The following CAMSAP1 variants were observed in gnomAD, a reference collection of about 807,000 sequenced individuals.
CAMSAP1 encodes calmodulin regulated spectrin associated protein 1.
Under a neutral mutation model 143.5 loss-of-function variants are expected in CAMSAP1, and 58 were observed. The ratio of observed to expected loss-of-function variants is 0.40; its 90% CI spans 0.33 to 0.50. CAMSAP1 has a LOEUF of 0.50. Among genes scored for constraint, CAMSAP1 ranks in the 20% least tolerant of loss-of-function variants. The pLI, the probability that CAMSAP1 is intolerant of heterozygous loss-of-function variation, is 0.45. For missense variants in CAMSAP1, 1,969 were observed against 2,115.7 expected (o/e 0.93, Z 1.36); for synonymous variants, 945 against 859.3 (o/e 1.10, Z -1.74).
intron 1 of CAMSAP1, 89 bp from the exon 2 acceptor site, chr9:135,883,167 C>G (rs528471390): frequency 1.4e-6 from 2 of 1,422,130 alleles, no homozygotes; most frequent in East Asian, 2.5e-5. Flanking sequence ...GACTGTGCCA[C>G]TGTACTCCAG....
Position 135,870,607 on chromosome 9 carries a change from C to T in CAMSAP1, c.586-4071G>A, listed in dbSNP as rs925837114. Among the ~76,000 whole-genome samples the T allele has an allele frequency of 5.9e-5, 9 of 152,162 alleles. No individual in the cohort carries two copies. In the East Asian group the frequency reaches 9.7e-4, roughly 16 times the overall value. ...GCGAGGATATCAAGGCAAGCCTGGCCAACATGGCAAAACCTTATCTCTACA... is the reference window on the plus strand; with the variant it reads ...GCGAGGATATCAAGGCAAGCCTGGCTAACATGGCAAAACCTTATCTCTACA... On this transcript the variant is annotated intron_variant, in intron 3 of 16. Transcript: ENST00000389532.
Position 135,818,961 on chromosome 9 carries a change from C to T in CAMSAP1, c.3959+49G>A. ...GCAACGGGACCGGGGCCGCCAGGGA[C>T]CCACCAGGCTCCTGCTCAGTCTGCT... On this transcript the variant is annotated intron_variant, in intron 12 of 16. Coordinates refer to ENST00000389532, the MANE Select transcript of CAMSAP1 (RefSeq NM_015447.4). The surrounding 1 kb of genome is among the most constrained non-coding windows in gnomAD (Gnocchi z 7.7). The T allele has an allele frequency of 6.3e-7, 1 of 1,591,202 alleles. No homozygotes were observed. The highest frequency in any genetic ancestry group is 2.3e-5 in the East Asian group (1 of 44,100).
In CAMSAP1 at chr9:135,810,133, C is replaced by T. The variant is rs1834991865; in HGVS notation, c.*1176G>A. The T allele has an allele frequency of 6.6e-6, 1 of 152,520 alleles. No individual in the cohort carries two copies. The highest frequency in any genetic ancestry group is 2.1e-4 in the South Asian group (1 of 4,824). The allele number at this position is 152,520 out of a possible 1,614,324, so 9.4% of individuals were successfully genotyped here. On this transcript the variant is annotated 3_prime_UTR_variant, in exon 17 of 17. Coordinates refer to ENST00000389532, the MANE Select transcript of CAMSAP1 (RefSeq NM_015447.4). The stretch of plus-strand genomic sequence containing the variant: ...GGCACGCACCTGCTCCTGGGAATGT[C>T]CGCGCTCCACAGAAGCATCAACACC...
Position 135,823,004 on chromosome 9 carries a change from G to C in CAMSAP1, c.1657C>G (p.Gln553Glu). 7 of 1,613,990 alleles carry C rather than the reference G, an allele frequency of 4.3e-6. No homozygotes were observed. Among genetic ancestry groups the C allele is most frequent in the Non-Finnish European group, 5.9e-6 (7 of 1,179,890 alleles). ...VAIVRADVVP[Q>E]QADPEFPRAS... ...CTGGGGAACTCCGGGTCAGCCTGCT[G>C]GGGAACCACGTCTGCTCTAACAATA... Residue 553 changes from glutamine (Q) to glutamate (E), a missense_variant, in exon 11 of 17, where the codon CAG becomes GAG. Gln to Glu is a conservative substitution (Grantham distance 29). This residue lies in a region of CAMSAP1 where 1,390 missense variants were observed against 1,420.8 expected (regional missense o/e 0.98). Transcript: ENST00000389532.
At chr9:135,893,117 C>G (rs1036510775) in intron 1 of CAMSAP1, among the ~76,000 whole-genome samples, 1 of 151,582 alleles carries the variant, frequency 6.6e-6, no homozygotes, top group African/African-American at 2.4e-5. Flanking sequence ...CTACAGTGAG[C>G]CATGAATGCA....
intron 14 of CAMSAP1, among the ~76,000 whole-genome samples, chr9:135,817,015 G>A (rs988510271): frequency 1.5e-4 from 23 of 152,178 alleles, no homozygotes; most frequent in South Asian, 2.1e-4. Flanking sequence ...TCAGCAGCGC[G>A]AGGCCTCAGT....
chr9:135,830,778 C>G (rs1215762896), intron 7 of CAMSAP1, among the ~76,000 whole-genome samples: 3 of 152,176 alleles, frequency 2.0e-5, no homozygotes, highest in Non-Finnish European at 4.4e-5. Flanking sequence ...TTCTCCAGAA[C>G]AGATCATATG....
chr9:135,866,897 T>C (rs2130944821), intron 3 of CAMSAP1, among the ~76,000 whole-genome samples: 1 of 152,282 alleles, frequency 6.6e-6, no homozygotes, highest in East Asian at 1.9e-4. Context: ...CAAAACAATC[T>C]GGTGGAGACA....
chr9:135,816,932 C>A (rs1443354045), intron 14 of CAMSAP1, among the ~76,000 whole-genome samples: 1 of 152,186 alleles, frequency 6.6e-6, no homozygotes. Flanking sequence ...ACTTTCTCAT[C>A]ACAGGAGCGG....
chr9:135,819,181 A>G, intron 11 of CAMSAP1, 35 bp from the exon 12 acceptor site: 2 of 1,573,666 alleles, frequency 1.3e-6, no homozygotes, highest in Non-Finnish European at 8.6e-7. Flanking sequence ...CATGACAGGA[A>G]CCCCCTCAGA....
intron 3 of CAMSAP1, among the ~76,000 whole-genome samples, chr9:135,880,836 G>A (rs1315661285): frequency 2.6e-5 from 4 of 152,050 alleles, no homozygotes; most frequent in Non-Finnish European, 2.9e-5. Flanking sequence ...CAAAGGCTCC[G>A]GTAAGGTAAC....
chr9:135,855,748 TAAAA>T (rs34874470), intron 5 of CAMSAP1, among the ~76,000 whole-genome samples: 1 of 84,692 alleles, frequency 1.2e-5, no homozygotes, highest in Non-Finnish European at 2.3e-5. Flanking sequence ...CATCTCAATT[TAAAA>T]AAAAAAAAAA....
chr9:135,866,893 A>C (rs773638208), intron 3 of CAMSAP1, among the ~76,000 whole-genome samples: 1 of 152,154 alleles, frequency 6.6e-6, no homozygotes, highest in African/African-American at 2.4e-5. Flanking sequence ...CTTACAAAAC[A>C]ATCTGGTGGA....
intron 5 of CAMSAP1, among the ~76,000 whole-genome samples, chr9:135,859,856 CAGGCTG>C (rs1837114472): frequency 6.6e-6 from 1 of 152,086 alleles, no homozygotes; most frequent in South Asian, 2.1e-4. Context: ...ACATACAGGG[CAGGCTG>C]CACACAATGA....
intron 1 of CAMSAP1, among the ~76,000 whole-genome samples, chr9:135,887,131 G>A (rs931748505): frequency 1.1e-4 from 16 of 152,124 alleles, no homozygotes; most frequent in Admixed American, 5.2e-4. Flanking sequence ...AGTGAGAGCC[G>A]GGCGCAGTGG....
At chr9:135,813,713 A>T (rs1835132124) in intron 16 of CAMSAP1, among the ~76,000 whole-genome samples, 1 of 152,148 alleles carries the variant, frequency 6.6e-6, no homozygotes, top group African/African-American at 2.4e-5. Context: ...CCAGTCACTC[A>T]CTGGCAAGAC....
At chr9:135,870,317 CG>C (rs1482945820) in intron 3 of CAMSAP1, among the ~76,000 whole-genome samples, 1 of 152,174 alleles carries the variant, frequency 6.6e-6, no homozygotes, top group Non-Finnish European at 1.5e-5. Flanking sequence ...TGCTCTCTCA[CG>C]CCTGCCTCCA....
chr9:135,878,184 G>A (rs945973198), intron 3 of CAMSAP1, among the ~76,000 whole-genome samples: 5 of 152,192 alleles, frequency 3.3e-5, no homozygotes, highest in East Asian at 1.9e-4. Flanking sequence ...TAGGGACCCC[G>A]GCCAGGAGGA....
At chr9:135,857,355 G>A (rs1051212136) in intron 5 of CAMSAP1, among the ~76,000 whole-genome samples, 1 of 151,818 alleles carries the variant, frequency 6.6e-6, no homozygotes, top group African/African-American at 2.4e-5. Context: ...CTGTCCTCTA[G>A]CAGTTCAGTG....
Sources: allele counts gnomAD v4.1 joint callset (sites outside exome capture counted in the v4.1 genomes callset), GRCh38; gene constraint gnomAD v4.1.1; regional missense constraint gnomAD v4.1.1; non-coding constraint Gnocchi (gnomAD v3.1); transcripts MANE v1.5; gene names NCBI Gene and HGNC (gene_info 2026-07-23, HGNC 2026-07-21).